Variants in CCDC186 observed in about 807,000 individuals in gnomAD.
CCDC186 encodes coiled-coil domain-containing protein 186.
In CCDC186, 49 loss-of-function variants were observed where a neutral mutation model predicts 113.7. The observed-to-expected ratio is 0.43, with a 90% CI of 0.34 to 0.55. The LOEUF (loss-of-function observed/expected upper bound fraction) is 0.55, where lower values mean the gene tolerates loss of function less well. CCDC186 is among the 20% of genes least tolerant of loss of function. The pLI is 0.02. For synonymous variants in CCDC186, 355 were observed against 345.8 expected (o/e 1.03, Z -0.30); for missense variants, 890 against 1,011.1 (o/e 0.88, Z 1.62).
intron 4 of CCDC186, 21 bp downstream of exon 4, chr10:114,151,071 T>C: frequency 6.2e-7 from 1 of 1,605,116 alleles, no homozygotes; most frequent in Non-Finnish European, 8.5e-7. Flanking sequence ...AAGTTAATAA[T>C]GACAACGATG....
At chr10:114,131,812 T>C (rs767597972) in intron 11 of CCDC186, 117 bp downstream of exon 11, 16 of 808,506 alleles carry the variant, frequency 2.0e-5, no homozygotes, top group Non-Finnish European at 2.8e-5. Context: ...GTTGAAATTG[T>C]CAGAAAGTCA....
rs1248225582 is a variant in CCDC186 at position 114,131,152 on chromosome 10, T to C, written c.2096A>G (p.Gln699Arg). Residue 699 changes from glutamine to arginine, a missense_variant, in exon 12 of 16, where the codon CAG (glutamine) becomes CGG (arginine). Gln to Arg is a conservative substitution (Grantham distance 43, BLOSUM62 1). Transcript: ENST00000369287. The part of the protein sequence containing the change: ...SSIKDLTKQL[Q>R]QARRKLDQVE... The stretch of plus-strand genomic sequence containing the variant: ...AGTGTGGAAGAATTTTATACCTTGC[T>C]GAAGTTGTTTGGTGAGATCCTTGAT... 7.2e-6 allele frequency: 11 copies of C among 1,527,992 alleles called. No individual in the cohort carries two copies. The highest frequency in any genetic ancestry group is 9.6e-6 in the Non-Finnish European group (11 of 1,141,994). The allele number at this position is 1,527,992 out of a possible 1,614,324, so 94.7% of individuals were successfully genotyped here. A position where few individuals can be genotyped will look rare whatever the true frequency, so the allele number is the denominator to read the frequency against.
At chr10:114,148,902 G>A (rs573960718) in intron 4 of CCDC186, among the ~76,000 whole-genome samples, 269 of 152,324 alleles carry the variant, frequency 1.8e-3, no homozygotes, top group Admixed American at 4.1e-3. Flanking sequence ...GTGAATGTGC[G>A]TGTGCACATG....
intron 1 of CCDC186, chr10:114,166,055 C>A: frequency 2.6e-6 from 1 of 389,382 alleles, no homozygotes; most frequent in Non-Finnish European, 3.5e-6. Context: ...TACATCGGAC[C>A]AAGGGATTCT....
rs573287244 is a variant in CCDC186 at position 114,140,939 on chromosome 10, T to C, written c.1221+3558A>G. Among the ~76,000 whole-genome samples the C allele has an allele frequency of 3.2e-4, 48 of 152,124 alleles. 1 individual carries two copies. The highest frequency in any genetic ancestry group is 3.4e-3 in the Middle Eastern group (1 of 294). ...AGACACAGGACAGGATCTTGCTGTGTTGCCCAGGCTGGAGTGCAGTGGCAT... is the reference window on the plus strand; with the variant it reads ...AGACACAGGACAGGATCTTGCTGTGCTGCCCAGGCTGGAGTGCAGTGGCAT... On this transcript the variant is annotated intron_variant, in intron 6 of 15. Transcript: ENST00000369287.
intron 2 of CCDC186, among the ~76,000 whole-genome samples, chr10:114,161,189 C>A (rs1024638671): frequency 2.6e-5 from 4 of 152,168 alleles, no homozygotes; most frequent in East Asian, 3.8e-4. Flanking sequence ...TTTCTAATAA[C>A]CGTATTTGAA....
intron 15 of CCDC186, 85 bp from the exon 16 acceptor site, chr10:114,125,311 T>A: frequency 9.7e-7 from 1 of 1,035,240 alleles, no homozygotes; most frequent in Non-Finnish European, 1.4e-6. Flanking sequence ...ATTTTTTGCC[T>A]AAATTTTGGA....
intron 2 of CCDC186, among the ~76,000 whole-genome samples, chr10:114,159,853 T>C (rs903242883): frequency 6.6e-6 from 1 of 151,980 alleles, no homozygotes; most frequent in Non-Finnish European, 1.5e-5. Context: ...TCCAAGCTAC[T>C]TGGGATGCTG....
In CCDC186 at chr10:114,162,756, T is replaced by G. The variant is rs781294695; in HGVS notation, c.513A>C (p.Leu171Phe). The G allele has an allele frequency of 6.2e-7, 1 of 1,613,974 alleles. No individual in the cohort carries two copies. The highest frequency in any genetic ancestry group is 8.5e-7 in the Non-Finnish European group (1 of 1,179,900). Residue 171 changes from leucine to phenylalanine, a missense_variant, in exon 2 of 16, where the codon TTA becomes TTC. By Grantham distance (22) the Leu-to-Phe change is conservative. Transcript: ENST00000369287. Reference sequence around the variant, plus strand: ...CTCGATGTTCTGCAAACTCCGTAGATAAGAGCTCAGATTCTATTTCTTCCA... The same window carrying G: ...CTCGATGTTCTGCAAACTCCGTAGAGAAGAGCTCAGATTCTATTTCTTCCA... Reference protein sequence around the residue: ...DLLEEIESELLSTEFAEHRVP... With the variant: ...DLLEEIESELFSTEFAEHRVP...
In CCDC186 at chr10:114,135,921, A is replaced by G; in HGVS notation, c.1482T>C (p.Gly494=). ...TTCTCAGTGTTCTTAACTCATCCAT[A>G]CCCTCCTTAAATGTTCTCTTCAGAT... ...LEDLKRTFKE[G]MDELRTLRTK... The change falls in exon 9 of 16, where the codon GGT becomes GGC. Residue 494 remains glycine, a synonymous_variant. Transcript: ENST00000369287. 6.2e-7 allele frequency: 1 copy of G among 1,612,994 alleles called. No homozygotes were observed. Among genetic ancestry groups the G allele is most frequent in the Non-Finnish European group, 8.5e-7 (1 of 1,179,434 alleles).
intron 4 of CCDC186, among the ~76,000 whole-genome samples, chr10:114,147,965 C>CA (rs891488317): frequency 7.9e-5 from 12 of 151,092 alleles, no homozygotes; most frequent in African/African-American, 1.2e-4. Context: ...CCCCTATCTA[C>CA]AAAAAAAACA....
At chr10:114,167,270 C>T (rs1247795002) in intron 1 of CCDC186, among the ~76,000 whole-genome samples, 3 of 152,060 alleles carry the variant, frequency 2.0e-5, no homozygotes, top group Admixed American at 6.6e-5. Flanking sequence ...CCACCCGCCT[C>T]GGCCTCCCAA....
Position 114,123,236 on chromosome 10 carries a change from G to A in CCDC186, c.*1907C>T, listed in dbSNP as rs1321161700. 1 of 151,966 alleles carries A rather than the reference G, an allele frequency of 6.6e-6. No individual in the cohort carries two copies. The highest frequency in any genetic ancestry group is 1.5e-5 in the Non-Finnish European group (1 of 67,904). The allele number at this position is 151,966 out of a possible 1,614,324, so 9.4% of individuals were successfully genotyped here. On this transcript the variant is annotated 3_prime_UTR_variant, in exon 16 of 16. Transcript: ENST00000369287. The stretch of plus-strand genomic sequence containing the variant: ...CCTCTTATTTTGATAAATTATTATT[G>A]GTAAAAAGAACAAGACACATTATGT...
Position 114,125,215 on chromosome 10 carries a change from T to G in CCDC186, c.2625A>C (p.Gln875His). 3.1e-6 allele frequency: 5 copies of G among 1,609,756 alleles called. No homozygotes were observed. The highest frequency in any genetic ancestry group is 4.2e-6 in the Non-Finnish European group (5 of 1,177,204). The change falls in exon 16 of 16, where the codon CAA becomes CAC. Residue 875 changes from glutamine to histidine, a missense_variant. Physicochemically the swap from Gln to His is conservative, Grantham distance 24. Transcript: ENST00000369287. Reference protein sequence around the residue: ...LKNITLKENLQTLGTEIERLI... With the variant: ...LKNITLKENLHTLGTEIERLI... ...GACGTTCTATTTCTGTTCCAAGTGT[T>G]TGTAGATTTTCCTTTAATAATTGGG...
Position 114,127,574 on chromosome 10 carries a change from C to T in CCDC186, c.2280G>A (p.Met760Ile). The T allele has an allele frequency of 6.2e-7, 1 of 1,614,064 alleles. No individual in the cohort carries two copies. The highest frequency in any genetic ancestry group is 8.5e-7 in the Non-Finnish European group (1 of 1,179,982). The change falls in exon 14 of 16, where the codon ATG becomes ATA. Residue 760 changes from methionine (M) to isoleucine (I), a missense_variant. By Grantham distance (10) the Met-to-Ile change is conservative (BLOSUM62 1). Coordinates refer to ENST00000369287, the MANE Select transcript of CCDC186 (RefSeq NM_018017.4). The stretch of plus-strand genomic sequence containing the variant: ...GCAGCCTAACTATTCTCTCAATCAA[C>T]ATGGCCTTATCTACTTGTGGAAAGT... ...VDNFPQVDKA[M>I]LIERIVRLQK...
At chr10:114,137,732 G>A (rs1407135234) in intron 6 of CCDC186, among the ~76,000 whole-genome samples, 3 of 152,016 alleles carry the variant, frequency 2.0e-5, no homozygotes, top group East Asian at 1.9e-4. Flanking sequence ...GTGAAACCCC[G>A]TCTCTACTAA....
intron 1 of CCDC186, among the ~76,000 whole-genome samples, chr10:114,170,103 T>C (rs2032450068): frequency 6.6e-6 from 1 of 152,096 alleles, no homozygotes; most frequent in Admixed American, 6.5e-5. Flanking sequence ...AATAATAGGA[T>C]GGAAAAGAAC....
At position 114,145,542 on chromosome 10, in the gene CCDC186, G is replaced by C. The variant is rs779500526; in HGVS notation, c.1101+7C>G. ...GGTCAACATATTTCAAATGGCACAA[G>C]TTATACCTTAGTTTCATACAGCTGG... On this transcript the variant is annotated splice_region_variant and intron_variant, in intron 5 of 15. Coordinates refer to ENST00000369287, the MANE Select transcript of CCDC186 (RefSeq NM_018017.4). 1 of 1,591,586 alleles carries C rather than the reference G, an allele frequency of 6.3e-7. No homozygotes were observed. The highest frequency in any genetic ancestry group is 8.5e-7 in the Non-Finnish European group (1 of 1,172,950).
In CCDC186 at chr10:114,132,178, C is replaced by T. The variant is rs765350372; in HGVS notation, c.1662G>A (p.Lys554=). Residue 554 remains lysine (K), a synonymous_variant, in exon 11 of 16, where the codon AAG becomes AAA. Coordinates refer to ENST00000369287, the MANE Select transcript of CCDC186 (RefSeq NM_018017.4). The stretch of plus-strand genomic sequence containing the variant: ...CTTCTTTCAAATTTTCAATTTCTTG[C>T]TTACCTCTAAAACACAAAATTTATA... ...DQLQEQLQRG[K]QEIENLKEEV... is the part of the protein sequence containing the mutation. The T allele has an allele frequency of 1.4e-5, 23 of 1,586,806 alleles. No homozygotes were observed. The Admixed American group carries it at 4.0e-4, about 27-fold the overall frequency.
Sources: allele counts gnomAD v4.1 joint callset (sites outside exome capture counted in the v4.1 genomes callset), GRCh38; gene constraint gnomAD v4.1.1; transcripts MANE v1.5; gene names NCBI Gene and HGNC (gene_info 2026-07-23, HGNC 2026-07-21).